Variants in RECK observed in about 807,000 individuals in gnomAD.
RECK encodes reversion-inducing cysteine-rich protein with Kazal motifs.
A neutral mutation model predicts 115.1 loss-of-function variants in RECK; 69 were observed. That is an observed-to-expected ratio of 0.60 (90% CI 0.49 to 0.73). The LOEUF is 0.73. Ranked by LOEUF, RECK falls within the 30% of genes least tolerant of loss-of-function variation. The probability of loss-of-function intolerance (pLI) is 0.00; values close to 1 mark genes in which losing one functional copy is unlikely to be tolerated. For synonymous variants in RECK, 414 were observed against 419.7 expected, an observed-to-expected ratio of 0.99 and a Z score of 0.17; for missense variants, 1,047 against 1,203.7, an observed-to-expected ratio of 0.87 and a Z score of 1.93.
At chr9:36,088,040 G>T in intron 9 of RECK, 79 bp downstream of exon 9, 1 of 1,055,410 alleles carries the variant, frequency 9.5e-7, no homozygotes, top group Non-Finnish European at 1.4e-6. Flanking sequence ...GCAAACGTGT[G>T]TTATATTCTT....
Position 36,123,446 on chromosome 9 carries a change from C to T in RECK, c.*401C>T, listed in dbSNP as rs754178339. On this transcript the variant is annotated 3_prime_UTR_variant, in exon 21 of 21. Transcript: ENST00000377966. ...TTCTTTTTGAAGTATTTAAGGTTCC[C>T]GTTGCATTTGTTTTGTTTACAGATA... 43 of 159,170 alleles carry T rather than the reference C, an allele frequency of 2.7e-4. No individual in the cohort carries two copies. Among genetic ancestry groups the T allele is most frequent in the Non-Finnish European group, 4.7e-4 (34 of 72,890 alleles). 9.9% of individuals were successfully genotyped at this position (159,170 alleles called of 1,614,324 possible). A position where few individuals can be genotyped will look rare whatever the true frequency, so the allele number is the denominator to read the frequency against.
intron 16 of RECK, among the ~76,000 whole-genome samples, chr9:36,112,824 G>C (rs138431044): frequency 3.2e-3 from 495 of 152,322 alleles, no homozygotes; most frequent in African/African-American, 0.012. Flanking sequence ...ATGGCTGCTG[G>C]AAATGTTATC....
intron 6 of RECK, among the ~76,000 whole-genome samples, chr9:36,066,416 T>G (rs1407837367): frequency 2.0e-5 from 3 of 152,160 alleles, no homozygotes; most frequent in African/African-American, 7.2e-5. Context: ...ATTGCTGTGT[T>G]TTCTTGGAGA....
intron 10 of RECK, among the ~76,000 whole-genome samples, chr9:36,096,055 T>G (rs1823325474): frequency 1.7e-5 from 2 of 114,852 alleles, no homozygotes; most frequent in Admixed American, 9.3e-5. Context: ...GCAACAAGAA[T>G]GAAACTCCAT....
At chr9:36,088,256 T>A (rs764117061) in intron 9 of RECK, among the ~76,000 whole-genome samples, 1 of 152,190 alleles carries the variant, frequency 6.6e-6, no homozygotes, top group Non-Finnish European at 1.5e-5. Flanking sequence ...ATAGAGATCA[T>A]TAAGTAAGCT....
intron 10 of RECK, among the ~76,000 whole-genome samples, chr9:36,092,542 ATTTTTTTTT>A (rs71508011): frequency 0.075 from 8,767 of 117,098 alleles, 425 homozygotes; most frequent in South Asian, 0.22. Context: ...CACCCAGCTA[ATTTTTTTTT>A]TTTTTTTTTT....
chr9:36,073,741 A>G (rs1822337626), intron 6 of RECK, among the ~76,000 whole-genome samples: 1 of 152,114 alleles, frequency 6.6e-6, no homozygotes, highest in Admixed American at 6.5e-5. Flanking sequence ...TCTCTGTTAC[A>G]TTTAAGCAGC....
Position 36,123,081 on chromosome 9 carries a change from A to C in RECK, c.*36A>C. ...AAAGTGCAGAATGCTCCTCCACCTC[A>C]CTCTCCTGCCTTGAAAAAGACATTC... On this transcript the variant is annotated 3_prime_UTR_variant, in exon 21 of 21. Coordinates refer to ENST00000377966, the MANE Select transcript of RECK (RefSeq NM_021111.3). 3 of 1,524,562 alleles carry C rather than the reference A, an allele frequency of 2.0e-6. No individual in the cohort carries two copies. Among genetic ancestry groups the C allele is most frequent in the Admixed American group, 1.8e-5 (1 of 56,286 alleles). 94.4% of individuals were successfully genotyped at this position (1,524,562 alleles called of 1,614,324 possible).
At chr9:36,086,602 C>G (rs529361096) in intron 8 of RECK, among the ~76,000 whole-genome samples, 3 of 152,134 alleles carry the variant, frequency 2.0e-5, no homozygotes, top group Non-Finnish European at 2.9e-5. Flanking sequence ...GGGTGGCCAG[C>G]TTTTATTCCC....
chr9:36,069,406 G>T (rs973523497), intron 6 of RECK, among the ~76,000 whole-genome samples: 1 of 150,558 alleles, frequency 6.6e-6, no homozygotes, highest in Non-Finnish European at 1.5e-5. Flanking sequence ...TGGGTGTGGT[G>T]GTGCACACCT....
At chr9:36,092,671 C>A (rs1040484661) in intron 10 of RECK, among the ~76,000 whole-genome samples, 1 of 151,342 alleles carries the variant, frequency 6.6e-6, no homozygotes, top group Non-Finnish European at 1.5e-5. Flanking sequence ...GGATTACAGG[C>A]GTGAGCCACC....
At chr9:36,064,591 A>G (rs551070951) in intron 5 of RECK, among the ~76,000 whole-genome samples, 23 of 152,298 alleles carry the variant, frequency 1.5e-4, no homozygotes, top group African/African-American at 5.5e-4. Context: ...AGAGTATATG[A>G]GATATGGTAT....
Position 36,043,038 on chromosome 9 carries a change from T to TTG in RECK, c.100+5941_100+5942insGT, listed in dbSNP as rs1554700750. 5.5e-3 allele frequency among the ~76,000 whole-genome samples: 718 copies of TTG among 130,920 alleles called. 8 individuals carry two copies. Among genetic ancestry groups the TTG allele is most frequent in the African/African-American group, 0.02 (669 of 33,312 alleles). 85.9% of individuals were successfully genotyped at this position (130,920 alleles called of 152,430 possible). ...TTTTTTTTTTTTTTTTTTTTTTTTT[T>TTG]TTGTTGAGACGGAGTCTCGCTCTGT... On this transcript the variant is annotated intron_variant, in intron 1 of 20. Coordinates refer to ENST00000377966, the MANE Select transcript of RECK (RefSeq NM_021111.3).
At chr9:36,055,936 CTCTT>C (rs1315015246) in intron 2 of RECK, among the ~76,000 whole-genome samples, 2 of 151,866 alleles carry the variant, frequency 1.3e-5, no homozygotes, top group South Asian at 2.1e-4. Context: ...TTTTTTCTTC[CTCTT>C]TCTCTTTTCC....
chr9:36,046,538 T>TC (rs1415057265), intron 1 of RECK, among the ~76,000 whole-genome samples: 17 of 151,950 alleles, frequency 1.1e-4, no homozygotes, highest in Non-Finnish European at 1.5e-5. Flanking sequence ...GGAGCAGAGG[T>TC]CCCCTGTCCT....
chr9:36,057,418 G>A (rs1291554230), intron 2 of RECK, among the ~76,000 whole-genome samples: 1 of 152,142 alleles, frequency 6.6e-6, no homozygotes, highest in Non-Finnish European at 1.5e-5. Flanking sequence ...ATAGAAAAGG[G>A]TCTAGACTTG....
Position 36,091,348 on chromosome 9 carries a change from G to T in RECK, c.1085+5G>T. 6.8e-7 allele frequency: 1 copy of T among 1,473,292 alleles called. No individual in the cohort carries two copies. Among genetic ancestry groups the T allele is most frequent in the East Asian group, 2.5e-5 (1 of 39,864 alleles). 91.3% of individuals were successfully genotyped at this position (1,473,292 alleles called of 1,614,324 possible). On this transcript the variant is annotated splice_donor_5th_base_variant and intron_variant, in intron 10 of 20. Coordinates refer to ENST00000377966, the MANE Select transcript of RECK (RefSeq NM_021111.3). ...CTGTACTAATTTTAACAACAGGTAA[G>T]ACAAATTATTATACATGGAATGGAA... is the stretch of plus-strand genomic sequence containing the variant.
chr9:36,099,855 G>A (rs1230704912), intron 10 of RECK, among the ~76,000 whole-genome samples: 1 of 152,076 alleles, frequency 6.6e-6, no homozygotes, highest in Non-Finnish European at 1.5e-5. Context: ...CAGTCAGTAG[G>A]GAGGCATTAA....
At chr9:36,095,679 A>G (rs1823305755) in intron 10 of RECK, among the ~76,000 whole-genome samples, 1 of 151,920 alleles carries the variant, frequency 6.6e-6, no homozygotes, top group African/African-American at 2.4e-5. Context: ...GTTCACCCCT[A>G]TAATCCCAGC....
Sources: allele counts gnomAD v4.1 joint callset (sites outside exome capture counted in the v4.1 genomes callset), GRCh38; gene constraint gnomAD v4.1.1; transcripts MANE v1.5; gene names NCBI Gene and HGNC (gene_info 2026-07-23, HGNC 2026-07-21).